Variants in CAMTA1 observed in about 807,000 individuals in gnomAD.
CAMTA1 encodes calmodulin binding transcription activator 1.
In CAMTA1, 27 loss-of-function variants were observed where a neutral mutation model predicts 170.9. The observed-to-expected ratio is 0.16, with a 90% confidence interval of 0.12 to 0.22. CAMTA1 has a LOEUF of 0.22. Among genes scored for constraint, CAMTA1 ranks in the 10% least tolerant of loss-of-function variants. CAMTA1 has a pLI of 1.00. For missense variants in CAMTA1, 1,619 were observed against 2,217.2 expected (o/e 0.73, Z 5.42); for synonymous variants, 833 against 891.5 (o/e 0.93, Z 1.17).
At chr1:7,733,688 A>G (rs2149947028) in intron 12 of CAMTA1, among the ~76,000 whole-genome samples, 2 of 152,114 alleles carry the variant, frequency 1.3e-5, no homozygotes, top group South Asian at 4.1e-4. Flanking sequence ...AACCTCAAAT[A>G]ATGCCCCCTC....
chr1:6,837,204 C>T (rs1422873831), intron 3 of CAMTA1, among the ~76,000 whole-genome samples: 1 of 152,148 alleles, frequency 6.6e-6, no homozygotes, highest in Non-Finnish European at 1.5e-5. Context: ...GATCCACCCG[C>T]CTCGGCCTCC....
chr1:7,677,867 C>T (rs2096138461), intron 11 of CAMTA1, 134 bp downstream of exon 11: 16 of 1,018,808 alleles, frequency 1.6e-5, no homozygotes, highest in Non-Finnish European at 2.0e-5. Context: ...CAAAGGAAGG[C>T]CGACTGGGTC....
In CAMTA1 at chr1:7,732,582, G is replaced by A. The variant is rs957258554; in HGVS notation, c.3049G>A (p.Gly1017Arg). The stretch of plus-strand genomic sequence containing the variant: ...TGGAGGCGGCAGCGGGAGCGGGAAT[G>A]GAGGGAGCCAGGCACAGGTACGAGG... ...SSGGGSGSGN[G>R]GSQAQCASGT... Residue 1017 changes from glycine to arginine, a missense_variant, in exon 12 of 23, where the codon GGA becomes AGA. Around this residue, in one of 8 missense-constraint regions of CAMTA1, gnomAD observed 143 missense variants for 184.2 expected, o/e 0.78. Coordinates refer to ENST00000303635, the MANE Select transcript of CAMTA1 (RefSeq NM_015215.4). The surrounding 1 kb of genome is among the most constrained non-coding windows in gnomAD (Gnocchi z 4.1). The A allele has an allele frequency of 6.2e-7, 1 of 1,609,184 alleles. No individual in the cohort carries two copies. The highest frequency in any genetic ancestry group is 1.3e-5 in the African/African-American group (1 of 74,832).
At chr1:7,749,192 G>A (rs2096877951) in intron 19 of CAMTA1, among the ~76,000 whole-genome samples, 1 of 152,166 alleles carries the variant, frequency 6.6e-6, no homozygotes, top group South Asian at 2.1e-4. Context: ...ATTCTAATAT[G>A]TGTAATGGTC....
intron 4 of CAMTA1, among the ~76,000 whole-genome samples, chr1:7,168,345 G>A (rs978287300): frequency 2.0e-5 from 3 of 152,108 alleles, no homozygotes; most frequent in Non-Finnish European, 2.9e-5. Context: ...GCATTACTGA[G>A]CAGATTAGAA....
Position 6,836,078 on chromosome 1 carries a change from T to TACCTGCCTACCCGCCTAC in CAMTA1, c.234+10868_234+10869insACCTGCCTACCCGCCTAC, listed in dbSNP as rs1557663379. Among the ~76,000 whole-genome samples the TACCTGCCTACCCGCCTAC allele has an allele frequency of 1.8e-4, 28 of 152,040 alleles. 1 individual carries two copies. The East Asian group carries it at 5.4e-3, about 29-fold the overall frequency. On this transcript the variant is annotated intron_variant, in intron 3 of 22. Coordinates refer to ENST00000303635, the MANE Select transcript of CAMTA1 (RefSeq NM_015215.4). ...GCCTGTCTACCTGTCTACCTGCCTA[T>TACCTGCCTACCCGCCTAC]CCAGCTACCTGCCTACCCACCTTCA... is the stretch of plus-strand genomic sequence containing the variant.
chr1:7,324,002 G>C (rs922633020), intron 5 of CAMTA1, among the ~76,000 whole-genome samples: 3 of 152,138 alleles, frequency 2.0e-5, no homozygotes, highest in Non-Finnish European at 2.9e-5. Context: ...TGTTTGGTCA[G>C]ATTTATTAAT....
rs147595360 is a variant in CAMTA1 at position 7,291,167 on chromosome 1, T to G, written c.438+41541T>G. Among the ~76,000 whole-genome samples, 674 of 152,256 alleles carry G rather than the reference T, an allele frequency of 4.4e-3. 8 individuals are homozygous for G. Among genetic ancestry groups the G allele is most frequent in the Admixed American group, 0.024 (367 of 15,298 alleles). On this transcript the variant is annotated intron_variant, in intron 5 of 22. Transcript: ENST00000303635. ...ACCTACTGAAAGCCTAGAAGGACCT[T>G]CACTCCATGACAGACACAGTACCCA...
intron 22 of CAMTA1, among the ~76,000 whole-genome samples, chr1:7,755,954 A>G (rs941089508): frequency 6.6e-6 from 1 of 152,194 alleles, no homozygotes; most frequent in African/African-American, 2.4e-5. Flanking sequence ...AAGCCTCAGG[A>G]CGAAAACAGG....
intron 6 of CAMTA1, among the ~76,000 whole-genome samples, chr1:7,507,803 C>T (rs2094143169): frequency 6.6e-6 from 1 of 152,324 alleles, no homozygotes; most frequent in African/African-American, 2.4e-5. Context: ...TCTGAGCGGG[C>T]AGCCTCTGCC....
chr1:7,710,515 G>A (rs1448575358), intron 11 of CAMTA1, among the ~76,000 whole-genome samples: 3 of 149,014 alleles, frequency 2.0e-5, no homozygotes, highest in African/African-American at 7.4e-5. Flanking sequence ...CAGGAGGATT[G>A]CTTGAGCCCA....
At chr1:7,103,230 C>G (rs998213019) in intron 4 of CAMTA1, among the ~76,000 whole-genome samples, 1 of 151,986 alleles carries the variant, frequency 6.6e-6, no homozygotes, top group African/African-American at 2.4e-5. Context: ...ACTGGAAGTC[C>G]AAGGGTGAAA....
chr1:7,042,432 C>T (rs1013163673), intron 3 of CAMTA1, among the ~76,000 whole-genome samples: 1 of 152,212 alleles, frequency 6.6e-6, no homozygotes, highest in Non-Finnish European at 1.5e-5. Flanking sequence ...CCTGCCTCTC[C>T]CTGTTCAGCC....
intron 3 of CAMTA1, among the ~76,000 whole-genome samples, chr1:6,912,987 AG>A (rs1309386145): frequency 6.6e-6 from 1 of 152,194 alleles, no homozygotes; most frequent in Non-Finnish European, 1.5e-5. Flanking sequence ...TTGCCTTGCC[AG>A]CACCTCCCTG....
intron 5 of CAMTA1, among the ~76,000 whole-genome samples, chr1:7,372,608 C>A (rs935151723): frequency 6.6e-6 from 1 of 152,218 alleles, no homozygotes; most frequent in Non-Finnish European, 1.5e-5. Flanking sequence ...CAATCAACTT[C>A]ATCACCGTCA....
rs1459033081 is a variant in CAMTA1, at chr1:7,697,866, C to G, written c.2914+20133C>G. 3.9e-5 allele frequency among the ~76,000 whole-genome samples: 6 copies of G among 152,334 alleles called. No individual in the cohort carries two copies. In the East Asian group the frequency reaches 9.7e-4, roughly 25 times the overall value. On this transcript the variant is annotated intron_variant, in intron 11 of 22. Coordinates refer to ENST00000303635, the MANE Select transcript of CAMTA1 (RefSeq NM_015215.4). ...TCCCCACTATCCTCCACATCACTGT[C>G]AGGACCATTATCTCTGGCCGTATAA... is the stretch of plus-strand genomic sequence containing the variant.
At chr1:7,290,771 G>C (rs149841362) in intron 5 of CAMTA1, among the ~76,000 whole-genome samples, 36 of 151,892 alleles carry the variant, frequency 2.4e-4, no homozygotes, top group African/African-American at 8.5e-4. Flanking sequence ...GGGACTCTCC[G>C]ACAGATGACA....
At chr1:7,599,624 GGTTTGTA>G (rs2095425413) in intron 6 of CAMTA1, among the ~76,000 whole-genome samples, 3 of 152,158 alleles carry the variant, frequency 2.0e-5, no homozygotes, top group Admixed American at 1.3e-4. Context: ...ATTGAGCAGT[GGTTTGTA>G]GTTCTCCTTG....
intron 5 of CAMTA1, among the ~76,000 whole-genome samples, chr1:7,401,607 C>T (rs2089910251): frequency 6.6e-6 from 1 of 151,990 alleles, no homozygotes; most frequent in Non-Finnish European, 1.5e-5. Context: ...ACTATTGGGT[C>T]TTCACATCAA....
Sources: allele counts gnomAD v4.1 joint callset (sites outside exome capture counted in the v4.1 genomes callset), GRCh38; gene constraint gnomAD v4.1.1; regional missense constraint gnomAD v4.1.1; non-coding constraint Gnocchi (gnomAD v3.1); transcripts MANE v1.5; gene names NCBI Gene and HGNC (gene_info 2026-07-23, HGNC 2026-07-21).